The following TBC1D32 variants were observed in gnomAD, a reference collection of about 807,000 sequenced individuals.
TBC1D32 encodes the protein TBC1 domain family member 32.
Under a neutral mutation model 170.3 loss-of-function variants are expected in TBC1D32, and 151 were observed. That is an observed-to-expected ratio of 0.89 (90% confidence interval 0.78 to 1.01). TBC1D32 has a LOEUF of 1.01. Ranked by LOEUF, TBC1D32 falls within the 50% of genes least tolerant of loss-of-function variation. The pLI is 0.00. For synonymous variants in TBC1D32, 498 were observed against 488.0 expected, an observed-to-expected ratio of 1.02 and a Z score of -0.27; for missense variants, 1,464 against 1,457.1, an observed-to-expected ratio of 1.00 and a Z score of -0.08.
At chr6:121,269,421 A>G (rs940068913) in intron 15 of TBC1D32, among the ~76,000 whole-genome samples, 6 of 140,508 alleles carry the variant, frequency 4.3e-5, no homozygotes, top group Non-Finnish European at 7.9e-5. Context: ...AGGAAGATCT[A>G]CCAAGCAAAT....
chr6:121,274,116 T>C (rs1044039936), intron 15 of TBC1D32, among the ~76,000 whole-genome samples: 10 of 152,044 alleles, frequency 6.6e-5, no homozygotes, highest in Non-Finnish European at 1.2e-4. Flanking sequence ...GGGCAGATCA[T>C]GAGGTCGGGA....
intron 20 of TBC1D32, chr6:121,224,591 T>C (rs1357835286): frequency 1.3e-5 from 2 of 152,168 alleles, no homozygotes; most frequent in African/African-American, 4.8e-5. Flanking sequence ...AAAAATAATC[T>C]GTATTTTCTT....
chr6:121,287,131 G>T (rs1002594374), intron 12 of TBC1D32, among the ~76,000 whole-genome samples: 3 of 152,086 alleles, frequency 2.0e-5, no homozygotes, highest in Non-Finnish European at 4.4e-5. Context: ...CATAATGACA[G>T]GATCAAATTC....
chr6:121,291,849 T>A (rs187369944), intron 12 of TBC1D32, among the ~76,000 whole-genome samples: 3,538 of 145,884 alleles, frequency 0.024, 151 homozygotes, highest in East Asian at 0.12. Flanking sequence ...GGAATAATAA[T>A]AAAAAAAAAA....
chr6:121,148,592 G>A (rs1485608452), intron 24 of TBC1D32, among the ~76,000 whole-genome samples: 1 of 151,988 alleles, frequency 6.6e-6, no homozygotes, highest in Non-Finnish European at 1.5e-5. Flanking sequence ...AGTTTACACT[G>A]TGACCAACAG....
At chr6:121,115,795 A>T (rs923213089) in intron 26 of TBC1D32, 2 of 152,232 alleles carry the variant, frequency 1.3e-5, no homozygotes, top group South Asian at 4.1e-4. Flanking sequence ...ACTGTAATAT[A>T]TCCAAACATT....
chr6:121,297,958 T>C (rs1805913846), intron 10 of TBC1D32, among the ~76,000 whole-genome samples: 1 of 152,002 alleles, frequency 6.6e-6, no homozygotes, highest in Non-Finnish European at 1.5e-5. Context: ...CAGGCTGCTA[T>C]GAGTAAAGTT....
At chr6:121,293,048 T>C (rs973487945) in intron 11 of TBC1D32, among the ~76,000 whole-genome samples, 2 of 151,690 alleles carry the variant, frequency 1.3e-5, no homozygotes, top group African/African-American at 2.4e-5. Flanking sequence ...CCAGAAAAGA[T>C]AGAGAATTGA....
In TBC1D32 at chr6:121,317,511, T is replaced by C. The variant is rs748409661; in HGVS notation, c.479A>G (p.Asp160Gly). ...ACAACACACCTGATTCAATGATGAA[T>C]CACTATCAGAGCAATTGTCTGTGCG... ...SYRTDNCSDS[D>G]SSLNQSYKFC... Residue 160 changes from aspartate (D) to glycine (G), a missense_variant, in exon 3 of 32, where the codon GAT becomes GGT. This residue lies in a region of TBC1D32 where 1,363 missense variants were observed against 1,338.1 expected (regional missense o/e 1.02). Coordinates refer to ENST00000398212, the MANE Select transcript of TBC1D32 (RefSeq NM_152730.6). The C allele has an allele frequency of 1.2e-6, 2 of 1,602,060 alleles. No homozygotes were observed. Among genetic ancestry groups the C allele is most frequent in the East Asian group, 2.3e-5 (1 of 44,134 alleles).
At chr6:121,217,022 G>A (rs981304085) in intron 21 of TBC1D32, among the ~76,000 whole-genome samples, 2 of 152,196 alleles carry the variant, frequency 1.3e-5, no homozygotes, top group Admixed American at 1.3e-4. Context: ...CACCATCAAG[G>A]ACTTGAAAGA....
chr6:121,149,563 T>C (rs1783935645), intron 24 of TBC1D32, among the ~76,000 whole-genome samples: 1 of 152,158 alleles, frequency 6.6e-6, no homozygotes, highest in South Asian at 2.1e-4. Context: ...GATCAGATGA[T>C]TGTAGATGTG....
intron 15 of TBC1D32, among the ~76,000 whole-genome samples, chr6:121,265,651 G>A (rs1279881400): frequency 1.3e-5 from 2 of 151,808 alleles, no homozygotes; most frequent in African/African-American, 4.8e-5. Context: ...AAATCTGGAG[G>A]CATCATGCTA....
intron 17 of TBC1D32, among the ~76,000 whole-genome samples, chr6:121,244,443 T>C (rs1452989487): frequency 6.6e-6 from 1 of 152,026 alleles, no homozygotes; most frequent in Non-Finnish European, 1.5e-5. Flanking sequence ...GAAATACCAC[T>C]AAGTGGGGGC....
At chr6:121,328,161 TTGAC>T (rs1437374256) in intron 1 of TBC1D32, among the ~76,000 whole-genome samples, 12 of 152,210 alleles carry the variant, frequency 7.9e-5, no homozygotes, top group African/African-American at 2.4e-4. Context: ...TAATATAGCT[TTGAC>T]TGACATGGGT....
At chr6:121,226,491 T>C (rs1196537201) in intron 20 of TBC1D32, among the ~76,000 whole-genome samples, 1 of 152,086 alleles carries the variant, frequency 6.6e-6, no homozygotes, top group Non-Finnish European at 1.5e-5. Context: ...AAATTTTACA[T>C]TTTAAATAGA....
chr6:121,309,127 A>C (rs1807790146), intron 4 of TBC1D32, among the ~76,000 whole-genome samples: 1 of 152,234 alleles, frequency 6.6e-6, no homozygotes, highest in Non-Finnish European at 1.5e-5. Context: ...TTCATATGAA[A>C]GAACTCCTCA....
chr6:121,120,865 G>A (rs920758956), intron 26 of TBC1D32, among the ~76,000 whole-genome samples: 5 of 151,660 alleles, frequency 3.3e-5, no homozygotes. Context: ...TCATTTCTTT[G>A]TTTTAATTCT....
At chr6:121,218,922 T>C (rs895446602) in intron 21 of TBC1D32, among the ~76,000 whole-genome samples, 1 of 152,186 alleles carries the variant, frequency 6.6e-6, no homozygotes, top group Non-Finnish European at 1.5e-5. Flanking sequence ...CCACCATGAT[T>C]GTAAGTTTCC....
At chr6:121,208,639 G>A (rs1046320617) in intron 21 of TBC1D32, among the ~76,000 whole-genome samples, 9 of 141,978 alleles carry the variant, frequency 6.3e-5, no homozygotes, top group African/African-American at 2.0e-4. Context: ...CAGAAAAACA[G>A]AGGGAGATTT....
Sources: allele counts gnomAD v4.1 joint callset (sites outside exome capture counted in the v4.1 genomes callset), GRCh38; gene constraint gnomAD v4.1.1; regional missense constraint gnomAD v4.1.1; transcripts MANE v1.5; gene names NCBI Gene and HGNC (gene_info 2026-07-23, HGNC 2026-07-21).